Variants in COL23A1 observed in about 807,000 individuals in gnomAD.
COL23A1 encodes collagen type XXIII alpha 1 chain.
A neutral mutation model predicts 99.3 loss-of-function variants in COL23A1; 97 were observed. The observed-to-expected ratio is 0.98, with a 90% CI of 0.83 to 1.16. COL23A1 has a LOEUF of 1.16. Among genes scored for constraint, COL23A1 ranks in the 50% most tolerant of loss-of-function variants. The pLI, the probability that COL23A1 is intolerant of heterozygous loss-of-function variation, is 0.00. For missense variants in COL23A1, 762 were observed against 757.4 expected, an observed-to-expected ratio of 1.01 and a Z score of -0.07; for synonymous variants, 320 against 308.2, an observed-to-expected ratio of 1.04 and a Z score of -0.40.
At chr5:178,549,479 AG>A (rs1761891057) in intron 2 of COL23A1, among the ~76,000 whole-genome samples, 1 of 152,174 alleles carries the variant, frequency 6.6e-6, no homozygotes, top group South Asian at 2.1e-4. Context: ...GGCAGAGAAT[AG>A]GGGAATGGGA....
chr5:178,424,618 T>C (rs950118827), intron 2 of COL23A1, among the ~76,000 whole-genome samples: 3 of 152,210 alleles, frequency 2.0e-5, no homozygotes, highest in African/African-American at 4.8e-5. Context: ...GTTGTAGTCA[T>C]TCGCGGTTCT....
At chr5:178,500,489 C>A (rs1445906559) in intron 2 of COL23A1, among the ~76,000 whole-genome samples, 2 of 150,250 alleles carry the variant, frequency 1.3e-5, no homozygotes, top group African/African-American at 4.9e-5. Context: ...CCTCTAGTCC[C>A]AACTACTTGA....
At chr5:178,482,442 C>A (rs77017429) in intron 2 of COL23A1, among the ~76,000 whole-genome samples, 2,241 of 151,866 alleles carry the variant, frequency 0.015, 28 homozygotes, top group South Asian at 0.032. Context: ...AGAACGGGGG[C>A]GGGGCAAAGA....
intron 15 of COL23A1, 108 bp downstream of exon 15, chr5:178,256,245 C>A: frequency 5.8e-6 from 4 of 690,056 alleles, no homozygotes; most frequent in Non-Finnish European, 8.7e-6. Flanking sequence ...ACTCCCAGTT[C>A]CTGTAGCTCC....
At chr5:178,341,900 C>T (rs1348194449) in intron 2 of COL23A1, among the ~76,000 whole-genome samples, 1 of 152,206 alleles carries the variant, frequency 6.6e-6, no homozygotes, top group Non-Finnish European at 1.5e-5. Context: ...TCTTTGCTCA[C>T]ATGCCACCTT....
intron 2 of COL23A1, among the ~76,000 whole-genome samples, chr5:178,465,092 T>C (rs1385819035): frequency 6.6e-6 from 1 of 152,174 alleles, no homozygotes; most frequent in African/African-American, 2.4e-5. Flanking sequence ...CCCAGCCAGG[T>C]GGGGCCAGGG....
intron 2 of COL23A1, among the ~76,000 whole-genome samples, chr5:178,538,928 C>T (rs1761129619): frequency 1.3e-5 from 2 of 152,142 alleles, no homozygotes; most frequent in African/African-American, 4.8e-5. Flanking sequence ...TAGTAGAGCA[C>T]GAATGAACCT....
At chr5:178,537,733 G>A (rs1174296419) in intron 2 of COL23A1, among the ~76,000 whole-genome samples, 4 of 152,226 alleles carry the variant, frequency 2.6e-5, no homozygotes, top group Non-Finnish European at 4.4e-5. Context: ...AAATATACAC[G>A]GCATGACGTT....
rs370952629 is a variant in COL23A1 at position 178,585,622 on chromosome 5, C to T, written c.294+4282G>A. On this transcript the variant is annotated intron_variant, in intron 1 of 28. Coordinates refer to ENST00000390654, the MANE Select transcript of COL23A1 (RefSeq NM_173465.4). ...GGTAACACTCCACAGCCCTGGATGG[C>T]GCTGGGGTAACACTCCACAGCCCTG... Among the ~76,000 whole-genome samples the T allele has an allele frequency of 1.7e-3, 235 of 135,728 alleles. 1 individual carries two copies. The highest frequency in any genetic ancestry group is 4.5e-3 in the Middle Eastern group (1 of 222). The allele number at this position is 135,728 out of a possible 152,430, so 89.0% of individuals were successfully genotyped here.
In COL23A1 at chr5:178,360,437, C is replaced by G. The variant is rs938419312; in HGVS notation, c.362-53518G>C. ...ATCCAGGGAGAAGCTGCCATGGGAA[C>G]CGCATGCTCCTGGGGAGCCAGGCTG... On this transcript the variant is annotated intron_variant, in intron 2 of 28. Coordinates refer to ENST00000390654, the MANE Select transcript of COL23A1 (RefSeq NM_173465.4). 7.2e-5 allele frequency among the ~76,000 whole-genome samples: 11 copies of G among 152,342 alleles called. No individual in the cohort carries two copies. The South Asian group carries it at 1.2e-3, about 17-fold the overall frequency.
At chr5:178,558,096 T>G (rs1466461997) in intron 2 of COL23A1, among the ~76,000 whole-genome samples, 2 of 147,720 alleles carry the variant, frequency 1.4e-5, no homozygotes, top group Non-Finnish European at 3.0e-5. Context: ...TCGGTGGGAC[T>G]AGAGGCTCTG....
chr5:178,357,939 T>C (rs554234316), intron 2 of COL23A1, among the ~76,000 whole-genome samples: 17 of 143,624 alleles, frequency 1.2e-4, no homozygotes, highest in East Asian at 4.0e-4. Flanking sequence ...TATGTGTATG[T>C]ATGTGTGTGT....
At chr5:178,375,703 T>C (rs1763035717) in intron 2 of COL23A1, among the ~76,000 whole-genome samples, 1 of 147,270 alleles carries the variant, frequency 6.8e-6, no homozygotes, top group Non-Finnish European at 1.5e-5. Flanking sequence ...CATTCCCTTT[T>C]CTTTCTTTCT....
intron 2 of COL23A1, among the ~76,000 whole-genome samples, chr5:178,527,977 T>C (rs1226917150): frequency 2.0e-5 from 3 of 152,226 alleles, no homozygotes; most frequent in Non-Finnish European, 4.4e-5. Flanking sequence ...ACCTGGACAC[T>C]TTTCTTAAAA....
In COL23A1 at chr5:178,366,055, G is replaced by A. The variant is rs1762458807; in HGVS notation, c.362-59136C>T. Among the ~76,000 whole-genome samples, 1 of 152,146 alleles carries A rather than the reference G, an allele frequency of 6.6e-6. No individual in the cohort carries two copies. Among genetic ancestry groups the A allele is most frequent in the Non-Finnish European group, 1.5e-5 (1 of 68,016 alleles). Reference sequence around the variant, plus strand: ...GAGCTCGCTTCAGATGACGCCCCCAGTGCCAGGTGATCATCTGCCGCTGTG... The same window carrying A: ...GAGCTCGCTTCAGATGACGCCCCCAATGCCAGGTGATCATCTGCCGCTGTG... On this transcript the variant is annotated intron_variant, in intron 2 of 28. Transcript: ENST00000390654. This position sits in a 1 kb window ranked among gnomAD's most constrained non-coding sequence, Gnocchi z 4.4.
rs1021416339 is a variant in COL23A1, at chr5:178,415,314, G to C, written c.362-108395C>G. Among the ~76,000 whole-genome samples the C allele has an allele frequency of 1.1e-4, 17 of 152,220 alleles. No individual in the cohort carries two copies. Among genetic ancestry groups the C allele is most frequent in the Non-Finnish European group, 2.9e-5 (2 of 68,036 alleles). The stretch of plus-strand genomic sequence containing the variant: ...GTGAGTGACGTGGGTCTGTGCCACA[G>C]TGGGAGTGCTGCAGACACTGAGCCA... On this transcript the variant is annotated intron_variant, in intron 2 of 28. Coordinates refer to ENST00000390654, the MANE Select transcript of COL23A1 (RefSeq NM_173465.4). This position sits in a 1 kb window ranked among gnomAD's most constrained non-coding sequence, Gnocchi z 4.6.
chr5:178,414,990 G>A (rs1388712811), intron 2 of COL23A1, among the ~76,000 whole-genome samples: 1 of 152,178 alleles, frequency 6.6e-6, no homozygotes, highest in Non-Finnish European at 1.5e-5. Context: ...AGGAGAGCCA[G>A]AAATGGCACC....
intron 8 of COL23A1, among the ~76,000 whole-genome samples, chr5:178,263,978 T>G (rs372221599): frequency 1.8e-4 from 27 of 152,176 alleles, no homozygotes; most frequent in African/African-American, 6.0e-4. Flanking sequence ...ACTGTGTGGC[T>G]GTATCTACGT....
rs1211962900 is a variant in COL23A1 at position 178,247,550 on chromosome 5, G to GC, written c.1271dup (p.Leu425ProfsTer22). ...CCTTGGGACCCTGGATTCCCTGGAG[G>GC]CCCTGCAGGAGGAGGAAGCAGATAA... On this transcript the variant is annotated frameshift_variant and splice_region_variant, in exon 22 of 29. Coordinates refer to ENST00000390654, the MANE Select transcript of COL23A1 (RefSeq NM_173465.4). LOFTEE classifies it high-confidence loss of function. 6.2e-7 allele frequency: 1 copy of GC among 1,614,014 alleles called. No homozygotes were observed. The highest frequency in any genetic ancestry group is 8.5e-7 in the Non-Finnish European group (1 of 1,179,984).
Sources: gnomAD v4.1 joint callset for allele counts (sites outside exome capture counted in the v4.1 genomes callset) on GRCh38, gnomAD v4.1.1 for gene constraint, Gnocchi (gnomAD v3.1) non-coding constraint, MANE v1.5 for transcripts, NCBI Gene and HGNC (gene_info 2026-07-23, HGNC 2026-07-21) for gene names.